The following CNBD1 variants were observed in gnomAD, a reference collection of about 807,000 sequenced individuals.
The protein encoded by CNBD1 is cyclic nucleotide binding domain containing 1.
CNBD1 carries 71 observed loss-of-function variants against 54.4 expected under a neutral mutation model. The observed-to-expected ratio is 1.30, with a 90% CI of 1.08 to 1.59. The LOEUF is 1.59. Among genes scored for constraint, CNBD1 ranks in the 40% most tolerant of loss-of-function variants. The pLI is 0.00. For synonymous variants in CNBD1, 182 were observed against 170.7 expected (o/e 1.07, Z -0.51); for missense variants, 659 against 518.0 (o/e 1.27, Z -2.64).
At chr8:87,248,859 G>T (rs1446357455) in intron 6 of CNBD1, among the ~76,000 whole-genome samples, 1 of 152,144 alleles carries the variant, frequency 6.6e-6, no homozygotes, top group Non-Finnish European at 1.5e-5. Context: ...CAAGTACACA[G>T]TGCAGGAAAG....
intron 4 of CNBD1, among the ~76,000 whole-genome samples, chr8:86,942,443 C>A (rs550162556): frequency 6.6e-6 from 1 of 152,290 alleles, no homozygotes; most frequent in South Asian, 2.1e-4. Flanking sequence ...GATCCTCTTC[C>A]AAGCTCAAAT....
intron 8 of CNBD1, among the ~76,000 whole-genome samples, chr8:87,315,388 T>C (rs1037966542): frequency 6.6e-6 from 1 of 152,018 alleles, no homozygotes; most frequent in African/African-American, 2.4e-5. Context: ...AATAGAGATT[T>C]TTTTTTTTGG....
intron 1 of CNBD1, among the ~76,000 whole-genome samples, chr8:86,879,367 A>G (rs1282820558): frequency 1.3e-5 from 2 of 152,218 alleles, no homozygotes; most frequent in Non-Finnish European, 2.9e-5. Context: ...GCTTTAGTGC[A>G]ACTATTCTTG....
At chr8:87,324,392 T>A (rs1253533852) in intron 8 of CNBD1, among the ~76,000 whole-genome samples, 2 of 127,798 alleles carry the variant, frequency 1.6e-5, no homozygotes, top group East Asian at 2.0e-4. Flanking sequence ...CAGTTCCTCC[T>A]TGTACCTCTG....
At chr8:87,004,026 A>T (rs1809045895) in intron 4 of CNBD1, among the ~76,000 whole-genome samples, 1 of 152,228 alleles carries the variant, frequency 6.6e-6, no homozygotes, top group South Asian at 2.1e-4. Context: ...ATCAGCAAAA[A>T]AACCTTCAGA....
chr8:87,137,093 A>AT (rs1812264535), intron 4 of CNBD1, among the ~76,000 whole-genome samples: 2 of 97,252 alleles, frequency 2.1e-5, no homozygotes, highest in African/African-American at 4.6e-5. Context: ...ATATATTTAT[A>AT]TTATATGTAA....
intron 2 of CNBD1, among the ~76,000 whole-genome samples, chr8:87,389,845 C>T (rs1191738039): frequency 2.0e-5 from 3 of 152,172 alleles, no homozygotes; most frequent in Non-Finnish European, 4.4e-5. Flanking sequence ...TGACTTCAAA[C>T]TATACTACAA....
At chr8:87,088,603 ATAG>A (rs1322676739) in intron 4 of CNBD1, among the ~76,000 whole-genome samples, 2 of 152,130 alleles carry the variant, frequency 1.3e-5, no homozygotes, top group East Asian at 3.8e-4. Context: ...AATTATAGTA[ATAG>A]TAGCTATATT....
intron 8 of CNBD1, among the ~76,000 whole-genome samples, chr8:87,297,891 C>G (rs1451630175): frequency 2.0e-5 from 3 of 151,810 alleles, no homozygotes; most frequent in Non-Finnish European, 2.9e-5. Flanking sequence ...ATTTATATCT[C>G]TATATTCTAT....
intron 6 of CNBD1, among the ~76,000 whole-genome samples, chr8:87,256,000 T>A (rs1808005445): frequency 6.0e-5 from 1 of 16,700 alleles, no homozygotes; most frequent in Non-Finnish European, 1.1e-4. Context: ...TATATATATA[T>A]ATATATATAT....
chr8:86,889,275 A>G (rs927686948), intron 2 of CNBD1, among the ~76,000 whole-genome samples: 1 of 152,198 alleles, frequency 6.6e-6, no homozygotes, highest in Admixed American at 6.5e-5. Context: ...TAAAATTACA[A>G]CAAATTAATA....
chr8:86,990,419 G>A lies in CNBD1; in HGVS notation c.431+50665G>A, dbSNP rs116104711. On this transcript the variant is annotated intron_variant, in intron 4 of 10. Transcript: ENST00000518476. Reference sequence around the variant, plus strand: ...TCATTTTTCTGCATATGGACATACAGTTTTCCCAATACCTTTTATTGAAGA... The same window carrying A: ...TCATTTTTCTGCATATGGACATACAATTTTCCCAATACCTTTTATTGAAGA... Among the ~76,000 whole-genome samples the A allele has an allele frequency of 4.0e-3, 609 of 152,222 alleles. 7 individuals carry two copies. The highest frequency in any genetic ancestry group is 0.014 in the African/African-American group (579 of 41,542).
At chr8:87,230,664 A>G (rs1356238003) in intron 5 of CNBD1, among the ~76,000 whole-genome samples, 1 of 152,254 alleles carries the variant, frequency 6.6e-6, no homozygotes, top group Non-Finnish European at 1.5e-5. Context: ...AATTAGTGTT[A>G]GAACACCTAG....
At chr8:87,408,956 G>A (rs1240058611) in intron 2 of CNBD1, among the ~76,000 whole-genome samples, 1 of 151,902 alleles carries the variant, frequency 6.6e-6, no homozygotes, top group South Asian at 2.1e-4. Flanking sequence ...TCAGACCTAC[G>A]TGTTCCCTAA....
At chr8:87,381,335 A>C (rs2130959842) in intron 10 of CNBD1, among the ~76,000 whole-genome samples, 1 of 152,144 alleles carries the variant, frequency 6.6e-6, no homozygotes, top group Admixed American at 6.6e-5. Context: ...GTGAAATATT[A>C]CCTCATACCT....
At chr8:87,089,425 C>G (rs1402266080) in intron 4 of CNBD1, among the ~76,000 whole-genome samples, 1 of 151,978 alleles carries the variant, frequency 6.6e-6, no homozygotes, top group Admixed American at 6.5e-5. Flanking sequence ...ATAATAAATT[C>G]AGTTCTGGCA....
intron 6 of CNBD1, among the ~76,000 whole-genome samples, chr8:87,239,486 C>T (rs1446658756): frequency 1.3e-5 from 2 of 151,990 alleles, no homozygotes; most frequent in Non-Finnish European, 2.9e-5. Flanking sequence ...CTATATTTTT[C>T]TTTCTCCCTT....
At chr8:87,395,915 G>C (rs1446896161) in intron 2 of CNBD1, among the ~76,000 whole-genome samples, 2 of 151,836 alleles carry the variant, frequency 1.3e-5, no homozygotes, top group Admixed American at 1.3e-4. Flanking sequence ...CCTTCGCTCA[G>C]TACCTCTCCT....
intron 3 of CNBD1, among the ~76,000 whole-genome samples, chr8:86,908,801 T>TTGAGACGGA (rs1554629467): frequency 9.7e-5 from 1 of 10,362 alleles, no homozygotes; most frequent in African/African-American, 4.3e-4. Context: ...TTTTTTTTTT[T>TTGAGACGGA]GTGCTGAGGG....
Sources: gnomAD v4.1 joint callset for allele counts (sites outside exome capture counted in the v4.1 genomes callset) on GRCh38, gnomAD v4.1.1 for gene constraint, MANE v1.5 for transcripts, NCBI Gene and HGNC (gene_info 2026-07-23, HGNC 2026-07-21) for gene names.